WWOX: variants seen among roughly 807,000 people sequenced by gnomAD.
WWOX encodes the protein WW domain-containing oxidoreductase.
WWOX carries 69 observed loss-of-function variants against 46.2 expected under a neutral mutation model. The observed-to-expected ratio is 1.49, with a 90% CI of 1.23 to 1.82. WWOX has a LOEUF of 1.82. Ranked by LOEUF, WWOX falls within the 40% of genes most tolerant of loss-of-function variation. WWOX has a pLI of 0.00. For missense variants in WWOX, 919 were observed against 542.6 expected (o/e 1.69, Z -6.89); for synonymous variants, 359 against 202.6 (o/e 1.77, Z -6.56).
At chr16:78,329,734 T>C (rs1325685255) in intron 5 of WWOX, among the ~76,000 whole-genome samples, 5 of 151,932 alleles carry the variant, frequency 3.3e-5, no homozygotes, top group Non-Finnish European at 7.4e-5. Context: ...TGTTTGATGG[T>C]TTTTTCTTTT....
intron 8 of WWOX, chr16:78,496,196 C>G (rs944210209): frequency 3.3e-5 from 5 of 152,188 alleles, no homozygotes; most frequent in African/African-American, 1.2e-4. Flanking sequence ...CCCATCACTC[C>G]TGACTACTTG....
intron 8 of WWOX, among the ~76,000 whole-genome samples, chr16:78,924,110 C>T (rs917888219): frequency 2.6e-5 from 4 of 152,052 alleles, no homozygotes; most frequent in Non-Finnish European, 5.9e-5. Context: ...AGCCGCTGTG[C>T]CCGGCTGCTA....
In WWOX at chr16:78,633,544, A is replaced by C. The variant is rs542255363; in HGVS notation, c.1056+200792A>C. Reference sequence around the variant, plus strand: ...TAACGCATGGCAACGCTGGTTTCCAACCTTTCACTGTGCGGGTTTCTGATG... The same window carrying C: ...TAACGCATGGCAACGCTGGTTTCCACCCTTTCACTGTGCGGGTTTCTGATG... On this transcript the variant is annotated intron_variant, in intron 8 of 8. Transcript: ENST00000566780. 1.5e-3 allele frequency among the ~76,000 whole-genome samples: 224 copies of C among 152,270 alleles called. 1 individual carries two copies. The highest frequency in any genetic ancestry group is 5.1e-3 in the African/African-American group (211 of 41,560).
At chr16:78,925,292 G>C (rs1280861779) in intron 8 of WWOX, among the ~76,000 whole-genome samples, 1 of 152,124 alleles carries the variant, frequency 6.6e-6, no homozygotes, top group Non-Finnish European at 1.5e-5. Context: ...CAGCATACTG[G>C]GATTGAGGAA....
intron 8 of WWOX, among the ~76,000 whole-genome samples, chr16:78,915,815 C>G (rs1022351709): frequency 2.0e-4 from 30 of 152,304 alleles, no homozygotes; most frequent in African/African-American, 6.5e-4. Context: ...ACTCTCAAAT[C>G]TTCTTCTTCC....
chr16:78,178,435 T>G (rs1407285194), intron 5 of WWOX, among the ~76,000 whole-genome samples: 1 of 152,214 alleles, frequency 6.6e-6, no homozygotes, highest in Admixed American at 6.5e-5. Flanking sequence ...AGAGCGTCTT[T>G]CATCTGATTT....
intron 6 of WWOX, among the ~76,000 whole-genome samples, chr16:78,418,948 G>C (rs1210802997): frequency 6.6e-6 from 1 of 151,318 alleles, no homozygotes; most frequent in Non-Finnish European, 1.5e-5. Flanking sequence ...AGGGAAATTG[G>C]GCAAAAAACA....
chr16:78,644,406 C>G (rs1310780101), intron 8 of WWOX, among the ~76,000 whole-genome samples: 1 of 152,188 alleles, frequency 6.6e-6, no homozygotes, highest in African/African-American at 2.4e-5. Flanking sequence ...GAGAGCAAGT[C>G]ATGTGGGATA....
chr16:78,778,814 C>T (rs1315768837), intron 8 of WWOX, among the ~76,000 whole-genome samples: 1 of 152,170 alleles, frequency 6.6e-6, no homozygotes, highest in Non-Finnish European at 1.5e-5. Context: ...GGAAAGGGAA[C>T]TGTGTTCGCC....
intron 8 of WWOX, among the ~76,000 whole-genome samples, chr16:78,547,015 C>G (rs1337327956): frequency 1.3e-5 from 2 of 150,950 alleles, no homozygotes; most frequent in Non-Finnish European, 1.5e-5. Context: ...GTGGTCCCAG[C>G]TACTTGGGAG....
At chr16:78,589,203 T>G (rs2045294309) in intron 8 of WWOX, among the ~76,000 whole-genome samples, 1 of 152,184 alleles carries the variant, frequency 6.6e-6, no homozygotes, top group Non-Finnish European at 1.5e-5. Flanking sequence ...TTTTAGAGTT[T>G]CTTATTGCGG....
intron 8 of WWOX, among the ~76,000 whole-genome samples, chr16:78,737,775 A>G (rs2049124588): frequency 1.3e-5 from 2 of 152,194 alleles, no homozygotes; most frequent in East Asian, 3.9e-4. Flanking sequence ...GATTTCCCCC[A>G]TCTGGCAGAA....
intron 8 of WWOX, among the ~76,000 whole-genome samples, chr16:79,132,066 A>C (rs554463449): frequency 6.6e-6 from 1 of 151,856 alleles, no homozygotes; most frequent in Non-Finnish European, 1.5e-5. Flanking sequence ...GAGATACAAG[A>C]TGAGATTTGG....
rs1000891672 is a variant in WWOX, at chr16:78,729,821, C to T, written c.1056+297069C>T. 3.3e-5 allele frequency among the ~76,000 whole-genome samples: 5 copies of T among 152,170 alleles called. No homozygotes were observed. In the East Asian group the frequency reaches 7.7e-4, roughly 24 times the overall value. ...GGATTTGAACCTACAGTTTTGAGGC[C>T]TGAACCTGCTATGCAGTGCTTTCTT... is the stretch of plus-strand genomic sequence containing the variant. On this transcript the variant is annotated intron_variant, in intron 8 of 8. Transcript: ENST00000566780.
chr16:78,656,869 T>A (rs2047093085), intron 8 of WWOX, among the ~76,000 whole-genome samples: 1 of 152,144 alleles, frequency 6.6e-6, no homozygotes, highest in Admixed American at 6.5e-5. Flanking sequence ...GGAAGACATT[T>A]AGGGGAGGCT....
At chr16:79,090,777 C>T (rs532580224) in intron 8 of WWOX, among the ~76,000 whole-genome samples, 27 of 152,138 alleles carry the variant, frequency 1.8e-4, no homozygotes, top group Non-Finnish European at 3.2e-4. Context: ...TGGCCATGCC[C>T]TGCCTTGTTG....
intron 8 of WWOX, among the ~76,000 whole-genome samples, chr16:78,868,476 T>TGCTA (rs2044054431): frequency 1.2e-5 from 1 of 86,222 alleles, no homozygotes; most frequent in Admixed American, 1.4e-4. Flanking sequence ...TGGATAAATA[T>TGCTA]ACTAACATCA....
At chr16:78,475,538 G>C (rs1314704142) in intron 8 of WWOX, among the ~76,000 whole-genome samples, 1 of 152,132 alleles carries the variant, frequency 6.6e-6, no homozygotes, top group African/African-American at 2.4e-5. Context: ...AAGATAACTA[G>C]AGCCATGACT....
At position 79,028,342 on chromosome 16, in the gene WWOX, G is replaced by A. The variant is rs549397565; in HGVS notation, c.1057-183266G>A. On this transcript the variant is annotated intron_variant, in intron 8 of 8. Coordinates refer to ENST00000566780, the MANE Select transcript of WWOX (RefSeq NM_016373.4). ...AGTTGGGTGACACTATGAGTGTATC[G>A]TTAGGCATGTTCAAAATATAGCTAA... is the stretch of plus-strand genomic sequence containing the variant. Among the ~76,000 whole-genome samples the A allele has an allele frequency of 6.6e-5, 10 of 151,910 alleles. 1 individual carries two copies. The highest frequency in any genetic ancestry group is 1.9e-4 in the East Asian group (1 of 5,192).
Sources: allele counts gnomAD v4.1 joint callset (sites outside exome capture counted in the v4.1 genomes callset), GRCh38; gene constraint gnomAD v4.1.1; transcripts MANE v1.5; gene names NCBI Gene and HGNC (gene_info 2026-07-23, HGNC 2026-07-21).